BMERB1: variants seen among roughly 807,000 people sequenced by gnomAD.
The protein encoded by BMERB1 is bMERB domain-containing protein 1.
A neutral mutation model predicts 23.6 loss-of-function variants in BMERB1; 12 were observed. The ratio of observed to expected loss-of-function variants is 0.51; its 90% CI spans 0.33 to 0.82. BMERB1 has a LOEUF of 0.82. Among genes scored for constraint, BMERB1 ranks in the 40% least tolerant of loss-of-function variants. BMERB1 has a pLI of 0.03. For missense variants in BMERB1, 247 were observed against 255.4 expected, an observed-to-expected ratio of 0.97 and a Z score of 0.22; for synonymous variants, 122 against 96.6, an observed-to-expected ratio of 1.26 and a Z score of -1.54.
At chr16:15,534,687 G>A (rs1292051400) in intron 2 of BMERB1, among the ~76,000 whole-genome samples, 5 of 152,220 alleles carry the variant, frequency 3.3e-5, no homozygotes, top group Non-Finnish European at 7.3e-5. Context: ...AGGCAGTGGG[G>A]TGGTTTCCTT....
intron 1 of BMERB1, among the ~76,000 whole-genome samples, chr16:15,448,647 C>T (rs926467186): frequency 6.6e-6 from 1 of 152,118 alleles, no homozygotes; most frequent in Non-Finnish European, 1.5e-5. Context: ...TAAAAATTAG[C>T]TGGGCATGGT....
chr16:15,557,175 A>G (rs76819428), intron 2 of BMERB1, among the ~76,000 whole-genome samples: 7,311 of 152,174 alleles, frequency 0.048, 224 homozygotes, highest in South Asian at 0.08. Flanking sequence ...GCTTTCCCCT[A>G]TCGTCCCAGC....
At chr16:15,525,962 T>C (rs1274884480) in intron 2 of BMERB1, among the ~76,000 whole-genome samples, 2 of 152,122 alleles carry the variant, frequency 1.3e-5, no homozygotes, top group African/African-American at 4.8e-5. Context: ...GATTATAACC[T>C]GCAGTTTTGC....
At chr16:15,474,221 A>C (rs2051257042) in intron 1 of BMERB1, among the ~76,000 whole-genome samples, 1 of 140,454 alleles carries the variant, frequency 7.1e-6, no homozygotes, top group African/African-American at 2.6e-5. Flanking sequence ...GGATTTCTTT[A>C]GTTTTATCTT....
chr16:15,449,033 C>G (rs1199924742), intron 1 of BMERB1, among the ~76,000 whole-genome samples: 1 of 152,082 alleles, frequency 6.6e-6, no homozygotes, highest in Non-Finnish European at 1.5e-5. Flanking sequence ...TATAACATTT[C>G]AGAGTAAGTC....
intron 3 of BMERB1, among the ~76,000 whole-genome samples, chr16:15,580,887 G>C (rs1244356053): frequency 6.6e-6 from 1 of 151,266 alleles, no homozygotes; most frequent in South Asian, 2.1e-4. Flanking sequence ...CTGTCTCTCT[G>C]TAATTTTTTG....
At chr16:15,565,971 T>C (rs971448162) in intron 2 of BMERB1, among the ~76,000 whole-genome samples, 1 of 152,222 alleles carries the variant, frequency 6.6e-6, no homozygotes, top group African/African-American at 2.4e-5. Flanking sequence ...TTGTACACAG[T>C]GATTCCACTT....
chr16:15,506,237 G>T (rs2051589904), intron 1 of BMERB1, among the ~76,000 whole-genome samples: 1 of 151,622 alleles, frequency 6.6e-6, no homozygotes, highest in Non-Finnish European at 1.5e-5. Flanking sequence ...GTGCCGCGGT[G>T]CGATCTCTGC....
intron 2 of BMERB1, among the ~76,000 whole-genome samples, chr16:15,558,254 C>T (rs942008020): frequency 2.6e-5 from 4 of 151,984 alleles, no homozygotes; most frequent in Admixed American, 1.3e-4. Flanking sequence ...TTCACACCAA[C>T]GCAGCCAAGC....
At chr16:15,511,549 G>T (rs2051665518) in intron 1 of BMERB1, among the ~76,000 whole-genome samples, 1 of 152,136 alleles carries the variant, frequency 6.6e-6, no homozygotes, top group Admixed American at 6.5e-5. Flanking sequence ...ATTTCATGAA[G>T]TATTGTTGCT....
At chr16:15,571,947 C>T (rs867055350) in intron 3 of BMERB1, among the ~76,000 whole-genome samples, 9 of 152,116 alleles carry the variant, frequency 5.9e-5, no homozygotes, top group African/African-American at 9.7e-5. Context: ...ATATTGAAGT[C>T]CTTAAGATCC....
intron 1 of BMERB1, among the ~76,000 whole-genome samples, chr16:15,468,162 T>TTTTTTTTTTTTTTTTTTTTC (rs57267276): frequency 7.7e-5 from 5 of 64,554 alleles, no homozygotes; most frequent in East Asian, 5.2e-4. Context: ...TTTTTTTTTT[T>TTTTTTTTTTTTTTTTTTTTC]TGAGGCAGGG....
intron 1 of BMERB1, among the ~76,000 whole-genome samples, chr16:15,444,119 C>CTTTTTTTTTTTTTTTTTTTTTTTTTT (rs1225982061): frequency 4.1e-5 from 1 of 24,462 alleles, no homozygotes; most frequent in African/African-American, 1.9e-4. Context: ...CAGGCACCAG[C>CTTTTTTTTTTTTTTTTTTTTTTTTTT]TTTGTTTTTT....
chr16:15,454,911 A>G (rs2051071216), intron 1 of BMERB1, among the ~76,000 whole-genome samples: 2 of 152,192 alleles, frequency 1.3e-5, no homozygotes, highest in African/African-American at 2.4e-5. Context: ...GAACATAGCA[A>G]CTGTTCACTT....
intron 1 of BMERB1, among the ~76,000 whole-genome samples, chr16:15,469,371 A>G (rs889082210): frequency 1.3e-5 from 2 of 152,218 alleles, no homozygotes; most frequent in Non-Finnish European, 2.9e-5. Flanking sequence ...CCAGTAACAC[A>G]GTAACACAGT....
intron 1 of BMERB1, among the ~76,000 whole-genome samples, chr16:15,496,203 GTGGTGA>G (rs1184310962): frequency 6.6e-6 from 1 of 152,062 alleles, no homozygotes; most frequent in Non-Finnish European, 1.5e-5. Context: ...GATAGTGATA[GTGGTGA>G]TGGTGATGGT....
In BMERB1 at chr16:15,509,564, C is replaced by T. The variant is rs184795867; in HGVS notation, c.107-5741C>T. Among the ~76,000 whole-genome samples the T allele has an allele frequency of 1.4e-3, 216 of 152,274 alleles. 1 individual carries two copies. The highest frequency in any genetic ancestry group is 1.5e-3 in the Non-Finnish European group (103 of 68,026). On this transcript the variant is annotated intron_variant, in intron 1 of 5. Transcript: ENST00000300006. ...ATAAAGGGACTCATTCGAGGTCTTGCGGCTGATGACTAGTGTCAAATGAGG... is the reference window on the plus strand; with the variant it reads ...ATAAAGGGACTCATTCGAGGTCTTGTGGCTGATGACTAGTGTCAAATGAGG...
intron 2 of BMERB1, among the ~76,000 whole-genome samples, chr16:15,546,490 G>A (rs1375912959): frequency 3.9e-5 from 6 of 152,044 alleles, no homozygotes; most frequent in African/African-American, 1.2e-4. Flanking sequence ...ACCCAATAAC[G>A]AGATGCAAAT....
chr16:15,438,740 G>A (rs2050910780), intron 1 of BMERB1, among the ~76,000 whole-genome samples: 1 of 152,220 alleles, frequency 6.6e-6, no homozygotes, highest in South Asian at 2.1e-4. Context: ...GATTACAGAT[G>A]TGAGCTACCA....
Sources: allele counts gnomAD v4.1 joint callset (sites outside exome capture counted in the v4.1 genomes callset), GRCh38; gene constraint gnomAD v4.1.1; transcripts MANE v1.5; gene names NCBI Gene and HGNC (gene_info 2026-07-23, HGNC 2026-07-21).